The following SNAP91 variants were observed in gnomAD, a reference collection of about 807,000 sequenced individuals.
SNAP91 encodes the protein synaptosome associated protein 91, also known as clathrin coat assembly protein AP180.
In SNAP91, 27 loss-of-function variants were observed where a neutral mutation model predicts 100.3. The observed-to-expected ratio is 0.27, with a 90% CI of 0.20 to 0.37. The LOEUF (loss-of-function observed/expected upper bound fraction) is 0.37. SNAP91 is among the 10% of genes least tolerant of loss of function. The probability of loss-of-function intolerance (pLI) is 1.00; values close to 1 mark genes in which losing one functional copy is unlikely to be tolerated. For synonymous variants in SNAP91, 404 were observed against 398.6 expected, an observed-to-expected ratio of 1.01 and a Z score of -0.16; for missense variants, 986 against 1,123.7, an observed-to-expected ratio of 0.88 and a Z score of 1.75.
chr6:83,555,414 T>C (rs1343491512), intron 29 of SNAP91, among the ~76,000 whole-genome samples: 1 of 152,210 alleles, frequency 6.6e-6, no homozygotes, highest in East Asian at 1.9e-4. Flanking sequence ...TCAGTTCTTT[T>C]AGCTGTGAAA....
In SNAP91 at chr6:83,575,465, T is replaced by C. The variant is rs115523422; in HGVS notation, c.2331-344A>G. The stretch of plus-strand genomic sequence containing the variant: ...ATATATACTGTACACTTCGATTTTG[T>C]TGAATTTAAGATGCACTGATGATGG... On this transcript the variant is annotated intron_variant, in intron 25 of 29. Coordinates refer to ENST00000369694, the MANE Select transcript of SNAP91 (RefSeq NM_001242792.2). The C allele has an allele frequency of 1.8e-3, 478 of 273,140 alleles. 2 individuals are homozygous for C. Among genetic ancestry groups the C allele is most frequent in the African/African-American group, 0.01 (446 of 43,094 alleles). 16.9% of individuals were successfully genotyped at this position (273,140 alleles called of 1,614,324 possible). A position where few individuals can be genotyped will look rare whatever the true frequency, so the allele number is the denominator to read the frequency against.
intron 26 of SNAP91, among the ~76,000 whole-genome samples, chr6:83,574,036 T>A (rs1244306573): frequency 1.3e-5 from 2 of 152,176 alleles, no homozygotes; most frequent in East Asian, 1.9e-4. Context: ...TGGGAGAAAA[T>A]TTTTAATTAG....
chr6:83,572,531 C>T (rs1485843354), intron 26 of SNAP91, among the ~76,000 whole-genome samples: 1 of 152,158 alleles, frequency 6.6e-6, no homozygotes, highest in Non-Finnish European at 1.5e-5. Context: ...GGATTACAGG[C>T]ATGAGCCACC....
chr6:83,652,153 G>C (rs906575843), intron 7 of SNAP91, among the ~76,000 whole-genome samples: 8 of 151,986 alleles, frequency 5.3e-5, no homozygotes, highest in Non-Finnish European at 1.0e-4. Flanking sequence ...GATCTACTCT[G>C]GTAATCTCTG....
intron 2 of SNAP91, among the ~76,000 whole-genome samples, chr6:83,701,727 C>T (rs535695761): frequency 2.3e-4 from 35 of 152,248 alleles, no homozygotes; most frequent in Non-Finnish European, 4.0e-4. Flanking sequence ...GGATTACAGG[C>T]GTGAGCCACA....
At chr6:83,569,805 G>T (rs925666679) in intron 26 of SNAP91, among the ~76,000 whole-genome samples, 2 of 152,058 alleles carry the variant, frequency 1.3e-5, no homozygotes, top group African/African-American at 2.4e-5. Flanking sequence ...CCAAACAAGC[G>T]CTCTCTTTGC....
At chr6:83,581,363 A>G (rs1007192921) in intron 23 of SNAP91, among the ~76,000 whole-genome samples, 3 of 152,212 alleles carry the variant, frequency 2.0e-5, no homozygotes, top group Admixed American at 6.5e-5. Context: ...TATTTTAAGT[A>G]TTAGGGATCA....
chr6:83,606,714 C>A (rs1161788307), intron 13 of SNAP91, among the ~76,000 whole-genome samples: 1 of 152,078 alleles, frequency 6.6e-6, no homozygotes, highest in African/African-American at 2.4e-5. Flanking sequence ...ATTAGATTTC[C>A]AAGTAATATT....
intron 2 of SNAP91, chr6:83,689,542 A>G (rs2099105309): frequency 6.6e-6 from 1 of 152,266 alleles, no homozygotes; most frequent in South Asian, 2.1e-4. Context: ...ACACAAGATA[A>G]GCACTAAAAA....
intron 8 of SNAP91, among the ~76,000 whole-genome samples, chr6:83,634,717 C>G (rs547077787): frequency 1.7e-4 from 26 of 152,172 alleles, no homozygotes; most frequent in African/African-American, 5.8e-4. Flanking sequence ...TTTCTAGTTC[C>G]TTTATGTGTG....
intron 4 of SNAP91, 63 bp from the exon 5 acceptor site, chr6:83,661,667 A>T (rs932611042): frequency 1.1e-6 from 1 of 920,468 alleles, no homozygotes; most frequent in Non-Finnish European, 1.6e-6. Flanking sequence ...TGCTTTGCAT[A>T]GTACTATTTT....
At chr6:83,592,678 G>A in intron 20 of SNAP91, 140 bp from the exon 21 acceptor site, 2 of 734,016 alleles carry the variant, frequency 2.7e-6, no homozygotes, top group Non-Finnish European at 2.3e-6. Flanking sequence ...TTAAGGAAAA[G>A]CAAACGGGTT....
chr6:83,617,956 T>C (rs1584099197), intron 9 of SNAP91, among the ~76,000 whole-genome samples: 1 of 151,888 alleles, frequency 6.6e-6, no homozygotes, highest in Non-Finnish European at 1.5e-5. Flanking sequence ...ATTCTGACAA[T>C]TCTTCTTTAA....
intron 26 of SNAP91, among the ~76,000 whole-genome samples, chr6:83,566,367 CAATAA>C (rs902958944): frequency 8.6e-5 from 13 of 151,808 alleles, no homozygotes; most frequent in African/African-American, 2.4e-4. Context: ...AATTTTATCT[CAATAA>C]AAATTTTTTC....
At chr6:83,704,216 G>T (rs1383633732) in intron 2 of SNAP91, among the ~76,000 whole-genome samples, 1 of 152,112 alleles carries the variant, frequency 6.6e-6, no homozygotes, top group Admixed American at 6.6e-5. Flanking sequence ...CTAGCAAATA[G>T]GTACAAAAAG....
intron 26 of SNAP91, among the ~76,000 whole-genome samples, chr6:83,567,410 C>T (rs1380773824): frequency 6.6e-6 from 1 of 152,106 alleles, no homozygotes; most frequent in Non-Finnish European, 1.5e-5. Flanking sequence ...CCTAGAACAC[C>T]TAGGCAATAC....
chr6:83,623,196 T>A (rs917919408), intron 9 of SNAP91, 105 bp downstream of exon 9: 1 of 856,784 alleles, frequency 1.2e-6, no homozygotes, highest in African/African-American at 1.7e-5. Flanking sequence ...TTGGTTGGCC[T>A]AAGTTCAAAA....
chr6:83,636,949 A>T (rs2097481150), intron 8 of SNAP91, among the ~76,000 whole-genome samples: 1 of 151,940 alleles, frequency 6.6e-6, no homozygotes, highest in Admixed American at 6.6e-5. Context: ...CTAGGTTCTG[A>T]GGTTATAGAT....
At position 83,556,129 on chromosome 6, in the gene SNAP91, T is replaced by C. The variant is rs1177557578; in HGVS notation, c.*10+14A>G. On this transcript the variant is annotated intron_variant, in intron 29 of 29. Coordinates refer to ENST00000369694, the MANE Select transcript of SNAP91 (RefSeq NM_001242792.2). ...ATTATTACAAGCCTACAGGAAAAGCTCAATATTAGATACCTTAAATTGTTT... is the reference window on the plus strand; with the variant it reads ...ATTATTACAAGCCTACAGGAAAAGCCCAATATTAGATACCTTAAATTGTTT... 4.2e-6 allele frequency: 6 copies of C among 1,416,014 alleles called. 1 individual carries two copies. Among genetic ancestry groups the C allele is most frequent in the African/African-American group, 1.4e-5 (1 of 70,364 alleles). 87.7% of individuals were successfully genotyped at this position (1,416,014 alleles called of 1,614,324 possible).
Sources: allele counts gnomAD v4.1 joint callset (sites outside exome capture counted in the v4.1 genomes callset), GRCh38; gene constraint gnomAD v4.1.1; transcripts MANE v1.5; gene names NCBI Gene and HGNC (gene_info 2026-07-23, HGNC 2026-07-21).